CDH12: variants seen among roughly 807,000 people sequenced by gnomAD.
CDH12 encodes cadherin-12.
In CDH12, 41 loss-of-function variants were observed where a neutral mutation model predicts 74.1. The observed-to-expected ratio is 0.55, with a 90% CI of 0.43 to 0.72. The LOEUF is 0.72. CDH12 is among the 30% of genes least tolerant of loss of function. CDH12 has a pLI of 0.00. For missense variants in CDH12, 945 were observed against 977.2 expected (o/e 0.97, Z 0.44); for synonymous variants, 399 against 355.0 (o/e 1.12, Z -1.39).
chr5:22,570,618 A>C (rs1739494725), intron 1 of CDH12, among the ~76,000 whole-genome samples: 1 of 152,222 alleles, frequency 6.6e-6, no homozygotes, highest in Non-Finnish European at 1.5e-5. Context: ...ATCCAGGCTT[A>C]GTTTCCATTT....
At chr5:22,270,573 C>A (rs1485958960) in intron 3 of CDH12, among the ~76,000 whole-genome samples, 1 of 142,078 alleles carries the variant, frequency 7.0e-6, no homozygotes, top group Admixed American at 7.2e-5. Context: ...TCTGCCTAGG[C>A]GGCAGGGTGA....
At chr5:22,226,043 C>T (rs758661240) in intron 3 of CDH12, among the ~76,000 whole-genome samples, 11 of 151,960 alleles carry the variant, frequency 7.2e-5, no homozygotes, top group African/African-American at 1.7e-4. Flanking sequence ...AGAAGCTAGA[C>T]GCCCCCTTTA....
chr5:22,429,731 TAA>T (rs1285937749), intron 2 of CDH12, among the ~76,000 whole-genome samples: 2 of 152,196 alleles, frequency 1.3e-5, no homozygotes, highest in Non-Finnish European at 2.9e-5. Flanking sequence ...TGTTTAATGC[TAA>T]GTTATTCCTA....
chr5:22,532,542 A>G (rs924503644), intron 1 of CDH12, among the ~76,000 whole-genome samples: 1 of 151,074 alleles, frequency 6.6e-6, no homozygotes, highest in Admixed American at 6.6e-5. Context: ...TTACTTATTT[A>G]AGATCTAACC....
At chr5:21,824,569 C>G (rs1275813470) in intron 8 of CDH12, among the ~76,000 whole-genome samples, 2 of 152,192 alleles carry the variant, frequency 1.3e-5, no homozygotes, top group African/African-American at 4.8e-5. Context: ...TTCCCAAACA[C>G]AGCCTTGTTC....
At chr5:21,957,679 G>GT (rs969525023) in intron 6 of CDH12, among the ~76,000 whole-genome samples, 15 of 151,470 alleles carry the variant, frequency 9.9e-5, no homozygotes, top group East Asian at 1.9e-4. Flanking sequence ...TATTGAGTTT[G>GT]TTTTTTTTCA....
chr5:22,745,900 C>A (rs374846476), intron 1 of CDH12, among the ~76,000 whole-genome samples: 9 of 151,700 alleles, frequency 5.9e-5, no homozygotes, highest in Admixed American at 2.6e-4. Context: ...TGCACGTGTA[C>A]CCCAGAAGTG....
chr5:21,966,827 C>G (rs1320088513), intron 6 of CDH12, among the ~76,000 whole-genome samples: 14 of 152,084 alleles, frequency 9.2e-5, no homozygotes, highest in Middle Eastern at 3.4e-3. Context: ...ATTTCCTGCT[C>G]TAAGTCCTGG....
chr5:22,768,472 A>G (rs994692696), intron 1 of CDH12, among the ~76,000 whole-genome samples: 1 of 152,120 alleles, frequency 6.6e-6, no homozygotes, highest in Non-Finnish European at 1.5e-5. Context: ...GATGGGTTTA[A>G]GGTGTAGAAT....
In CDH12 at chr5:21,887,382, A is replaced by G. The variant is rs553911300; in HGVS notation, c.527-32592T>C. ...ATATCAAAGCTATAACAAATTTAAT[A>G]TTATAAGAAAGTAACTGAAGGAGAA... On this transcript the variant is annotated intron_variant, in intron 6 of 14. Transcript: ENST00000382254. Among the ~76,000 whole-genome samples, 27 of 152,312 alleles carry G rather than the reference A, an allele frequency of 1.8e-4. No individual in the cohort carries two copies. The South Asian group carries it at 3.9e-3, about 22-fold the overall frequency.
intron 2 of CDH12, among the ~76,000 whole-genome samples, chr5:22,470,905 G>A (rs756780887): frequency 3.1e-4 from 46 of 146,942 alleles, no homozygotes; most frequent in Non-Finnish European, 5.6e-4. Flanking sequence ...CTCTGCACCC[G>A]TATCTGAAAA....
chr5:22,665,734 T>G (rs2126904819), intron 1 of CDH12, among the ~76,000 whole-genome samples: 1 of 152,310 alleles, frequency 6.6e-6, no homozygotes, highest in South Asian at 2.1e-4. Context: ...CTTTATTTCA[T>G]TCATCTTCCA....
rs115854320 is a variant in CDH12 at position 21,917,932 on chromosome 5, A to G, written c.526+57159T>C. Among the ~76,000 whole-genome samples, 433 of 152,212 alleles carry G rather than the reference A, an allele frequency of 2.8e-3. 1 individual carries two copies. Among genetic ancestry groups the G allele is most frequent in the Non-Finnish European group, 4.5e-3 (309 of 68,008 alleles). On this transcript the variant is annotated intron_variant, in intron 6 of 14. Coordinates refer to ENST00000382254, the MANE Select transcript of CDH12 (RefSeq NM_004061.5). The stretch of plus-strand genomic sequence containing the variant: ...TGTATGCATCTTTGCTTTCTCTTTT[A>G]TATCAGTTGTAACATCTTACTGGTT...
intron 1 of CDH12, among the ~76,000 whole-genome samples, chr5:22,612,736 T>A (rs562175997): frequency 2.0e-5 from 3 of 152,134 alleles, no homozygotes; most frequent in Non-Finnish European, 4.4e-5. Context: ...TAACTAGATC[T>A]CTTTCCTTTT....
At chr5:22,296,243 T>G (rs2150416436) in intron 3 of CDH12, among the ~76,000 whole-genome samples, 1 of 152,166 alleles carries the variant, frequency 6.6e-6, no homozygotes, top group Non-Finnish European at 1.5e-5. Flanking sequence ...AACTAATAAC[T>G]TATAAGACTA....
At chr5:22,428,683 C>T (rs745516754) in intron 2 of CDH12, among the ~76,000 whole-genome samples, 2 of 152,234 alleles carry the variant, frequency 1.3e-5, no homozygotes, top group African/African-American at 2.4e-5. Context: ...GCATTGCAAT[C>T]GGAGCAGATG....
intron 6 of CDH12, among the ~76,000 whole-genome samples, chr5:21,880,683 CTT>C (rs1314070339): frequency 9.3e-6 from 1 of 107,672 alleles, no homozygotes. Flanking sequence ...TTCTTTCTTT[CTT>C]TCTTTCTCTT....
intron 3 of CDH12, among the ~76,000 whole-genome samples, chr5:22,325,174 T>C (rs547029319): frequency 6.6e-6 from 1 of 152,340 alleles, no homozygotes; most frequent in Non-Finnish European, 1.5e-5. Flanking sequence ...AATCCCCAAA[T>C]TGTTCTTTTA....
At chr5:22,171,310 C>T (rs1394322995) in intron 4 of CDH12, among the ~76,000 whole-genome samples, 2 of 151,858 alleles carry the variant, frequency 1.3e-5, no homozygotes, top group South Asian at 2.1e-4. Context: ...TCGTTAAGTG[C>T]TCCCAGCTAC....
Sources: gnomAD v4.1 joint callset for allele counts (sites outside exome capture counted in the v4.1 genomes callset) on GRCh38, gnomAD v4.1.1 for gene constraint, MANE v1.5 for transcripts, NCBI Gene and HGNC (gene_info 2026-07-23, HGNC 2026-07-21) for gene names.